Variants in FOXK2 observed in about 807,000 individuals in gnomAD.
FOXK2 encodes the protein forkhead box protein K2.
FOXK2 carries 24 observed loss-of-function variants against 53.3 expected under a neutral mutation model. The observed-to-expected ratio is 0.45, with a 90% confidence interval of 0.33 to 0.63. The LOEUF (loss-of-function observed/expected upper bound fraction) is 0.63. FOXK2 is among the 30% of genes least tolerant of loss of function. The probability of loss-of-function intolerance (pLI) is 0.03; values close to 1 mark genes in which losing one functional copy is unlikely to be tolerated. For synonymous variants in FOXK2, 505 were observed against 407.1 expected (o/e 1.24, Z -2.89); for missense variants, 952 against 910.5 (o/e 1.05, Z -0.59).
intron 4 of FOXK2, among the ~76,000 whole-genome samples, chr17:82,581,461 G>A (rs1444713002): frequency 1.3e-5 from 2 of 148,594 alleles, no homozygotes; most frequent in Non-Finnish European, 3.0e-5. Context: ...CACTGTGCCC[G>A]GATGATTTTT....
At chr17:82,566,513 C>T (rs2044852995) in intron 2 of FOXK2, among the ~76,000 whole-genome samples, 1 of 152,274 alleles carries the variant, frequency 6.6e-6, no homozygotes, top group African/African-American at 2.4e-5. Context: ...TCCTGCCGCC[C>T]AGTGCTTATT....
rs571811298 is a variant in FOXK2, at chr17:82,519,978, C to G, written c.90C>G (p.Ser30=). The G allele has an allele frequency of 1.6e-6, 2 of 1,279,580 alleles. No individual in the cohort carries two copies. Among genetic ancestry groups the G allele is most frequent in the African/African-American group, 1.6e-5 (1 of 64,446 alleles). The allele number at this position is 1,279,580 out of a possible 1,614,324, so 79.3% of individuals were successfully genotyped here. ...AGGGGAGGGG[S]PPGGWAVARL... is the part of the protein sequence containing the mutation. ...GCGGCGGGGCCGGGGGCGGCGGGTC[C>G]CCGCCGGGCGGCTGGGCCGTGGCGC... The change falls in exon 1 of 9, where the codon TCC becomes TCG. Residue 30 remains serine, a synonymous_variant. Transcript: ENST00000335255.
In FOXK2 at chr17:82,591,036, C is replaced by T. The variant is rs548983277; in HGVS notation, c.1786+3764C>T. On this transcript the variant is annotated intron_variant, in intron 8 of 8. Coordinates refer to ENST00000335255, the MANE Select transcript of FOXK2 (RefSeq NM_004514.4). ...GGGACCCGGGGCTCAGGGCTTGGCC[C>T]CTGCGTGTGTCGTGAAGACAGTGCT... Among the ~76,000 whole-genome samples the T allele has an allele frequency of 5.9e-5, 9 of 152,298 alleles. No individual in the cohort carries two copies. The East Asian group carries it at 1.7e-3, about 29-fold the overall frequency.
rs2045415760 is a variant in FOXK2 at position 82,603,773 on chromosome 17, G to T, written c.*2274G>T. On this transcript the variant is annotated 3_prime_UTR_variant, in exon 9 of 9. Transcript: ENST00000335255. ...CCATTCTGCATCTTGAACCCAGACTGAAGTGTGCCTCTCACAGATGGAAGG... is the reference window on the plus strand; with the variant it reads ...CCATTCTGCATCTTGAACCCAGACTTAAGTGTGCCTCTCACAGATGGAAGG... The T allele has an allele frequency of 6.7e-6, 1 of 148,150 alleles. No homozygotes were observed. Among genetic ancestry groups the T allele is most frequent in the South Asian group, 2.1e-4 (1 of 4,720 alleles). 9.2% of individuals were successfully genotyped at this position (148,150 alleles called of 1,614,324 possible).
chr17:82,521,468 G>A (rs1295280806), intron 1 of FOXK2, among the ~76,000 whole-genome samples: 1 of 150,626 alleles, frequency 6.6e-6, no homozygotes, highest in African/African-American at 2.4e-5. Context: ...CACCGCGCCC[G>A]GCCTACAAAT....
At chr17:82,560,215 AG>A (rs1239663430) in intron 1 of FOXK2, among the ~76,000 whole-genome samples, 2 of 151,726 alleles carry the variant, frequency 1.3e-5, no homozygotes, top group Non-Finnish European at 2.9e-5. Flanking sequence ...TCAGAGTGTT[AG>A]GCAGGATGGT....
At chr17:82,575,206 C>T (rs1254277082) in intron 4 of FOXK2, among the ~76,000 whole-genome samples, 2 of 152,154 alleles carry the variant, frequency 1.3e-5, no homozygotes, top group African/African-American at 2.4e-5. Context: ...CTGCTCCTGC[C>T]GGGCTGGACC....
chr17:82,550,169 C>T (rs189871010), intron 1 of FOXK2, among the ~76,000 whole-genome samples: 22 of 152,248 alleles, frequency 1.4e-4, no homozygotes, highest in African/African-American at 1.9e-4. Context: ...CCAGCCTGGG[C>T]GACACTGCAA....
intron 1 of FOXK2, among the ~76,000 whole-genome samples, chr17:82,536,175 G>T (rs767816287): frequency 2.0e-5 from 3 of 152,114 alleles, no homozygotes; most frequent in Admixed American, 6.6e-5. Context: ...ACGGTGCCCG[G>T]CCTGTGTTTT....
Position 82,603,582 on chromosome 17 carries a change from T to A in FOXK2, c.*2083T>A, listed in dbSNP as rs1179182779. The A allele has an allele frequency of 6.6e-6, 1 of 152,362 alleles. No individual in the cohort carries two copies. The highest frequency in any genetic ancestry group is 2.4e-5 in the African/African-American group (1 of 41,574). 9.4% of individuals were successfully genotyped at this position (152,362 alleles called of 1,614,324 possible). On this transcript the variant is annotated 3_prime_UTR_variant, in exon 9 of 9. Transcript: ENST00000335255. Reference sequence around the variant, plus strand: ...TCCAGAAGGAGTCGGGGGTAGACTTTCCCGTGTAAGCTCAGTCCATAAACT... The same window carrying A: ...TCCAGAAGGAGTCGGGGGTAGACTTACCCGTGTAAGCTCAGTCCATAAACT...
At chr17:82,573,928 G>A (rs898220675) in intron 4 of FOXK2, among the ~76,000 whole-genome samples, 3 of 151,058 alleles carry the variant, frequency 2.0e-5, no homozygotes, top group African/African-American at 7.3e-5. Flanking sequence ...CTCAGTTTTG[G>A]GGGGGCCCAA....
intron 6 of FOXK2, among the ~76,000 whole-genome samples, chr17:82,584,389 C>T (rs2045106453): frequency 6.6e-6 from 1 of 151,998 alleles, no homozygotes; most frequent in South Asian, 2.1e-4. Flanking sequence ...TTAAACGACA[C>T]TGAGTAGATG....
rs781167427 is a variant in FOXK2, at chr17:82,586,079, G to A, written c.1455G>A (p.Val485=). 2 of 1,612,798 alleles carry A rather than the reference G, an allele frequency of 1.2e-6. No homozygotes were observed. The highest frequency in any genetic ancestry group is 3.3e-5 in the Admixed American group (2 of 60,018). The change falls in exon 7 of 9, where the codon GTG becomes GTA. Residue 485 remains valine, a synonymous_variant. Transcript: ENST00000335255. The part of the protein sequence containing the change: ...HQIPAVSVTS[V]AGLAPANTYT... ...TCCCAGCGGTGTCGGTCACCAGTGT[G>A]GCCGGACTGGCCCCAGCGAACACGT...
chr17:82,542,148 A>G (rs996152844), intron 1 of FOXK2, among the ~76,000 whole-genome samples: 2 of 133,636 alleles, frequency 1.5e-5, no homozygotes, highest in Admixed American at 1.5e-4. Context: ...CCCTCCACAA[A>G]TTTTTTTTTT....
intron 1 of FOXK2, among the ~76,000 whole-genome samples, chr17:82,524,123 A>C (rs148099909): frequency 0.016 from 2,379 of 152,016 alleles, 65 homozygotes; most frequent in African/African-American, 0.055. Context: ...TCCTGAACTC[A>C]GGTGATCCGT....
chr17:82,525,115 A>G (rs1158451612), intron 1 of FOXK2, among the ~76,000 whole-genome samples: 1 of 151,540 alleles, frequency 6.6e-6, no homozygotes, highest in African/African-American at 2.4e-5. Context: ...AGCTGGGATT[A>G]CAGATGCCCG....
chr17:82,564,086 GTT>G (rs35624921), intron 2 of FOXK2, among the ~76,000 whole-genome samples: 67 of 120,546 alleles, frequency 5.6e-4, no homozygotes, highest in African/African-American at 1.1e-3. Flanking sequence ...TTTTAAAGTG[GTT>G]TTTTTTTTTT....
At chr17:82,545,857 C>T (rs2044619533) in intron 1 of FOXK2, among the ~76,000 whole-genome samples, 1 of 152,084 alleles carries the variant, frequency 6.6e-6, no homozygotes, top group Non-Finnish European at 1.5e-5. Flanking sequence ...GCTGGGATTA[C>T]AGGCGTGAGC....
intron 4 of FOXK2, 121 bp downstream of exon 4, chr17:82,571,991 G>C: frequency 2.1e-6 from 2 of 944,564 alleles, no homozygotes; most frequent in South Asian, 2.2e-5. Flanking sequence ...GGAGCCTCCC[G>C]TGCTGAGAGG....
Sources: gnomAD v4.1 joint callset for allele counts (sites outside exome capture counted in the v4.1 genomes callset) on GRCh38, gnomAD v4.1.1 for gene constraint, MANE v1.5 for transcripts, NCBI Gene and HGNC (gene_info 2026-07-23, HGNC 2026-07-21) for gene names.